POLQ: variants seen among roughly 807,000 people sequenced by gnomAD.
The protein encoded by POLQ is DNA polymerase theta.
In POLQ, 233 loss-of-function variants were observed where a neutral mutation model predicts 259.2. The ratio of observed to expected loss-of-function variants is 0.90; its 90% confidence interval spans 0.81 to 1.00. The LOEUF (loss-of-function observed/expected upper bound fraction) is 1.00. Among genes scored for constraint, POLQ ranks in the 50% least tolerant of loss-of-function variants. POLQ has a pLI of 0.00. For missense variants in POLQ, 2,871 were observed against 3,051.6 expected, an observed-to-expected ratio of 0.94 and a Z score of 1.39; for synonymous variants, 1,025 against 1,048.8, an observed-to-expected ratio of 0.98 and a Z score of 0.44.
intron 9 of POLQ, among the ~76,000 whole-genome samples, chr3:121,514,741 G>A (rs1268036029): frequency 6.7e-6 from 1 of 149,486 alleles, no homozygotes; most frequent in African/African-American, 2.5e-5. Flanking sequence ...TGGTAGCTCT[G>A]TGTACCTGCC....
At chr3:121,527,844 A>G (rs532946818) in intron 7 of POLQ, among the ~76,000 whole-genome samples, 2 of 152,336 alleles carry the variant, frequency 1.3e-5, no homozygotes, top group Admixed American at 1.3e-4. Flanking sequence ...TACATAAGAA[A>G]CATGATAAAT....
At chr3:121,445,671 T>G (rs945260515) in intron 26 of POLQ, among the ~76,000 whole-genome samples, 9 of 152,164 alleles carry the variant, frequency 5.9e-5, no homozygotes, top group African/African-American at 1.9e-4. Context: ...ATGACCAACC[T>G]GGCCAACATG....
Position 121,483,406 on chromosome 3 carries a change from G to A in POLQ, c.5950C>T (p.Gln1984Ter). The change falls in exon 18 of 30, where the codon CAA becomes TAA. Residue 1984 changes from glutamine (Q) to a stop codon, truncating the protein, a stop_gained. Coordinates refer to ENST00000264233, the MANE Select transcript of POLQ (RefSeq NM_199420.4). LOFTEE classifies it high-confidence loss of function. ...AGAACCTTAGGATCTTCATAACTTT[G>A]CTCCAAGGAGATGCCACAAGAAAGA... ...LLLSCGISLE[Q>*]SYEDPKVACW... 6.4e-7 allele frequency: 1 copy of A among 1,574,248 alleles called. No homozygotes were observed.
chr3:121,459,389 T>TG (rs1560089447), intron 25 of POLQ, among the ~76,000 whole-genome samples: 1 of 147,280 alleles, frequency 6.8e-6, no homozygotes, highest in African/African-American at 2.5e-5. Flanking sequence ...TTTTTTTTTT[T>TG]TTTGTTTTTC....
intron 12 of POLQ, among the ~76,000 whole-genome samples, chr3:121,504,731 G>T (rs998642967): frequency 6.6e-6 from 1 of 152,282 alleles, no homozygotes; most frequent in East Asian, 1.9e-4. Flanking sequence ...TTTTGGAATG[G>T]AAGTATTTAT....
intron 25 of POLQ, among the ~76,000 whole-genome samples, chr3:121,452,673 G>C (rs1415279071): frequency 1.3e-5 from 2 of 151,588 alleles, no homozygotes; most frequent in Admixed American, 1.3e-4. Context: ...GTGTTGGATA[G>C]GAAGTCGGGT....
At position 121,432,900 on chromosome 3, in the gene POLQ, C is replaced by T. The variant is rs745476975; in HGVS notation, c.7659+18G>A. ...GTCTTGTCTTCCTATGGAATGGACA[C>T]AAGCATTGCAAAAATACCTGAACAA... On this transcript the variant is annotated intron_variant, in intron 29 of 29. Coordinates refer to ENST00000264233, the MANE Select transcript of POLQ (RefSeq NM_199420.4). 1 of 1,338,396 alleles carries T rather than the reference C, an allele frequency of 7.5e-7. No individual in the cohort carries two copies. The highest frequency in any genetic ancestry group is 1.1e-6 in the Non-Finnish European group (1 of 928,960). The allele number at this position is 1,338,396 out of a possible 1,614,324, so 82.9% of individuals were successfully genotyped here. A position where few individuals can be genotyped will look rare whatever the true frequency, so the allele number is the denominator to read the frequency against.
rs775040665 is a variant in POLQ, at chr3:121,472,164, C to T, written c.6544G>A (p.Asp2182Asn). 1 of 1,402,136 alleles carries T rather than the reference C, an allele frequency of 7.1e-7. No individual in the cohort carries two copies. Among genetic ancestry groups the T allele is most frequent in the Admixed American group, 2.1e-5 (1 of 47,232 alleles). The allele number at this position is 1,402,136 out of a possible 1,614,324, so 86.9% of individuals were successfully genotyped here. A position where few individuals can be genotyped will look rare whatever the true frequency, so the allele number is the denominator to read the frequency against. The change falls in exon 22 of 30, where the codon GAC becomes AAC. Residue 2182 changes from aspartate (D) to asparagine (N), a missense_variant and splice_region_variant. Coordinates refer to ENST00000264233, the MANE Select transcript of POLQ (RefSeq NM_199420.4). ...RLGRQFSTSK[D>N]VLNKLKALHP... ...AATGCCTTTAATTTATTTAAAACGT[C>T]CTGCCAAAAAAATATAAGGTAAGAT...
intron 5 of POLQ, among the ~76,000 whole-genome samples, chr3:121,534,487 C>G (rs990840662): frequency 6.6e-6 from 1 of 152,096 alleles, no homozygotes; most frequent in African/African-American, 2.4e-5. Flanking sequence ...CCACGCCCAG[C>G]CAAATTTTGT....
intron 26 of POLQ, among the ~76,000 whole-genome samples, chr3:121,442,605 G>T (rs1381385933): frequency 6.6e-6 from 1 of 152,134 alleles, no homozygotes; most frequent in Non-Finnish European, 1.5e-5. Context: ...CATCCCTGTT[G>T]TTGCAAATGA....
intron 8 of POLQ, 186 bp downstream of exon 8, chr3:121,521,817 T>C: frequency 2.9e-6 from 1 of 350,648 alleles, no homozygotes; most frequent in Non-Finnish European, 5.1e-6. Context: ...GTGATCCACT[T>C]GCTTCGGCCT....
intron 20 of POLQ, among the ~76,000 whole-genome samples, chr3:121,475,627 T>C (rs2047919124): frequency 6.6e-6 from 1 of 152,102 alleles, no homozygotes; most frequent in African/African-American, 2.4e-5. Flanking sequence ...GCTTAAGCAT[T>C]TTTTTGGGGG....
At chr3:121,456,201 C>T (rs929063424) in intron 25 of POLQ, among the ~76,000 whole-genome samples, 1 of 152,150 alleles carries the variant, frequency 6.6e-6, no homozygotes, top group African/African-American at 2.4e-5. Context: ...GCTAAAAACT[C>T]TCAATAAATC....
chr3:121,451,362 C>T (rs951727437), intron 25 of POLQ, among the ~76,000 whole-genome samples: 1 of 152,240 alleles, frequency 6.6e-6, no homozygotes, highest in Non-Finnish European at 1.5e-5. Context: ...GGGAGAGGCA[C>T]TCTGATTTTT....
chr3:121,460,058 C>A lies in POLQ; in HGVS notation c.7144G>T (p.Ala2382Ser). Residue 2382 changes from alanine (A) to serine (S), a missense_variant, in exon 25 of 30, where the codon GCA (alanine) becomes TCA (serine). By Grantham distance (99) the Ala-to-Ser change is moderately conservative. Transcript: ENST00000264233. ...ESVGDDLRQQ[A>S]KQICYGIIYG... ...ATGTTCACTAAAATCACCTGTTTTG[C>A]CTGCTGCCTCAGATCATCCCCAACA... 1 of 1,613,056 alleles carries A rather than the reference C, an allele frequency of 6.2e-7. No homozygotes were observed. The highest frequency in any genetic ancestry group is 8.5e-7 in the Non-Finnish European group (1 of 1,179,178).
intron 27 of POLQ, among the ~76,000 whole-genome samples, chr3:121,438,423 T>C (rs2047562184): frequency 1.3e-5 from 2 of 152,234 alleles, no homozygotes; most frequent in Admixed American, 1.3e-4. Flanking sequence ...TTCGTATTAT[T>C]AGATCGAGTC....
chr3:121,515,391 G>A (rs940332559), intron 9 of POLQ, among the ~76,000 whole-genome samples: 8 of 152,052 alleles, frequency 5.3e-5, no homozygotes, highest in East Asian at 1.9e-4. Context: ...ACCTAACCTC[G>A]AGGCCCAGCC....
At chr3:121,458,811 G>A (rs2047765707) in intron 25 of POLQ, among the ~76,000 whole-genome samples, 1 of 152,304 alleles carries the variant, frequency 6.6e-6, no homozygotes, top group South Asian at 2.1e-4. Context: ...AGCACTTCGG[G>A]AGGCCAAGTT....
chr3:121,494,016 C>A, intron 14 of POLQ: 1 of 606,454 alleles, frequency 1.6e-6, no homozygotes, highest in Non-Finnish European at 2.9e-6. Flanking sequence ...AAACAAGAAG[C>A]CCTCACCCTA....
Sources: gnomAD v4.1 joint callset for allele counts (sites outside exome capture counted in the v4.1 genomes callset) on GRCh38, gnomAD v4.1.1 for gene constraint, MANE v1.5 for transcripts, NCBI Gene and HGNC (gene_info 2026-07-23, HGNC 2026-07-21) for gene names.